Variants in NRXN3 observed in about 807,000 individuals in gnomAD.
NRXN3 encodes the protein neurexin 3.
NRXN3 carries 32 observed loss-of-function variants against 137.6 expected under a neutral mutation model. The observed-to-expected ratio is 0.23, with a 90% CI of 0.18 to 0.31. NRXN3 has a LOEUF of 0.31. Among genes scored for constraint, NRXN3 ranks in the 10% least tolerant of loss-of-function variants. The probability of loss-of-function intolerance (pLI) is 1.00; values close to 1 mark genes in which losing one functional copy is unlikely to be tolerated. For missense variants in NRXN3, 1,574 were observed against 2,062.5 expected, an observed-to-expected ratio of 0.76 and a Z score of 4.59; for synonymous variants, 798 against 784.5, an observed-to-expected ratio of 1.02 and a Z score of -0.29.
intron 16 of NRXN3, among the ~76,000 whole-genome samples, chr14:79,559,281 T>C (rs2153772889): frequency 6.6e-6 from 1 of 152,278 alleles, no homozygotes; most frequent in East Asian, 1.9e-4. Context: ...TATGTCTTCC[T>C]CACCAAGCTT....
chr14:79,797,733 G>T (rs745972167), intron 19 of NRXN3, among the ~76,000 whole-genome samples: 1 of 152,134 alleles, frequency 6.6e-6, no homozygotes, highest in Non-Finnish European at 1.5e-5. Context: ...GGATGGGGGA[G>T]AGAGGGAGAT....
chr14:79,059,263 T>G (rs895264387), intron 15 of NRXN3, among the ~76,000 whole-genome samples: 1 of 139,498 alleles, frequency 7.2e-6, no homozygotes, highest in Non-Finnish European at 1.6e-5. Flanking sequence ...TTTTTTTTTT[T>G]TTTTTTTTTT....
chr14:79,389,036 A>G (rs987323104), intron 15 of NRXN3, among the ~76,000 whole-genome samples: 2 of 152,020 alleles, frequency 1.3e-5, no homozygotes, highest in Non-Finnish European at 2.9e-5. Flanking sequence ...AGTCAATTAA[A>G]CCTCTTTTTC....
At position 79,735,114 on chromosome 14, in the gene NRXN3, A is replaced by C. The variant is rs547566113; in HGVS notation, c.4014+37177A>C. Among the ~76,000 whole-genome samples, 11 of 152,334 alleles carry C rather than the reference A, an allele frequency of 7.2e-5. No homozygotes were observed. The South Asian group carries it at 8.3e-4, about 11-fold the overall frequency. ...TTTAACACCCTATTTCTAATACAGC[A>C]GCTTCTCACTATAGAATGTTAGGTT... On this transcript the variant is annotated intron_variant, in intron 19 of 20. Coordinates refer to ENST00000335750, the MANE Select transcript of NRXN3 (RefSeq NM_001330195.2).
chr14:79,599,570 A>G (rs538615239), intron 16 of NRXN3, among the ~76,000 whole-genome samples: 52 of 152,338 alleles, frequency 3.4e-4, no homozygotes, highest in African/African-American at 1.2e-3. Context: ...CCCAGTCTCA[A>G]TTTACCTGAT....
intron 4 of NRXN3, among the ~76,000 whole-genome samples, chr14:78,558,213 A>T (rs188297307): frequency 5.8e-4 from 89 of 152,316 alleles, no homozygotes; most frequent in Admixed American, 2.0e-3. Context: ...AAATTATCAG[A>T]AAACAAGAGA....
intron 1 of NRXN3, among the ~76,000 whole-genome samples, chr14:78,188,853 A>T (rs563117796): frequency 6.6e-6 from 1 of 152,260 alleles, no homozygotes; most frequent in African/African-American, 2.4e-5. Flanking sequence ...TCAGTAAATT[A>T]TCTACTTTAG....
chr14:78,548,353 A>T (rs2096655624), intron 4 of NRXN3, among the ~76,000 whole-genome samples: 1 of 152,134 alleles, frequency 6.6e-6, no homozygotes, highest in Admixed American at 6.5e-5. Flanking sequence ...GGTGGCTTTG[A>T]GCTATAGGTT....
intron 19 of NRXN3, among the ~76,000 whole-genome samples, chr14:79,733,679 T>G (rs72696802): frequency 8.2e-5 from 6 of 73,172 alleles, no homozygotes; most frequent in Admixed American, 5.4e-4. Flanking sequence ...TTGTTGTTTT[T>G]TTTTTTTTTA....
intron 15 of NRXN3, among the ~76,000 whole-genome samples, chr14:79,339,522 A>G (rs1272207192): frequency 6.6e-6 from 1 of 152,248 alleles, no homozygotes; most frequent in Non-Finnish European, 1.5e-5. Flanking sequence ...GTGTCTTACT[A>G]TTCAAAGTAT....
At chr14:79,592,603 A>G (rs560186282) in intron 16 of NRXN3, among the ~76,000 whole-genome samples, 30 of 152,284 alleles carry the variant, frequency 2.0e-4, no homozygotes, top group African/African-American at 7.0e-4. Flanking sequence ...GTTAAGATCA[A>G]TTAACCAATT....
At chr14:79,104,047 T>C (rs2051891981) in intron 15 of NRXN3, among the ~76,000 whole-genome samples, 1 of 152,178 alleles carries the variant, frequency 6.6e-6, no homozygotes, top group Admixed American at 6.6e-5. Context: ...GATGTGCACA[T>C]TTCATCCAGT....
chr14:79,760,832 T>C (rs1430651521), intron 19 of NRXN3: 7 of 151,584 alleles, frequency 4.6e-5, no homozygotes, highest in African/African-American at 1.7e-4. Context: ...AAGATTTCTG[T>C]GGGTATGCCT....
intron 16 of NRXN3, among the ~76,000 whole-genome samples, chr14:79,596,556 G>T (rs1389792583): frequency 1.3e-5 from 2 of 150,422 alleles, no homozygotes; most frequent in Admixed American, 6.6e-5. Flanking sequence ...CCTGAGAGGG[G>T]CTTCTGGCCA....
chr14:79,834,948 C>G (rs931836648), intron 20 of NRXN3, among the ~76,000 whole-genome samples: 1 of 152,082 alleles, frequency 6.6e-6, no homozygotes, highest in Admixed American at 6.6e-5. Context: ...ATTCCCGACC[C>G]GCCACCCCAA....
At chr14:79,265,231 CTTT>C (rs936690790) in intron 15 of NRXN3, among the ~76,000 whole-genome samples, 2 of 91,882 alleles carry the variant, frequency 2.2e-5, no homozygotes, top group South Asian at 3.8e-4. Context: ...GGGGGTTGCT[CTTT>C]TTTTTTTTTT....
chr14:79,397,876 A>T (rs564521603), intron 15 of NRXN3, among the ~76,000 whole-genome samples: 1 of 152,306 alleles, frequency 6.6e-6, no homozygotes, highest in South Asian at 2.1e-4. Context: ...TTAAATTGTG[A>T]ATTTACATGG....
chr14:79,626,046 A>G (rs2098278456), intron 16 of NRXN3, among the ~76,000 whole-genome samples: 1 of 152,218 alleles, frequency 6.6e-6, no homozygotes, highest in Non-Finnish European at 1.5e-5. Flanking sequence ...AATTACTTAT[A>G]AGTTTACATG....
At chr14:79,404,498 G>C (rs1226938053) in intron 15 of NRXN3, among the ~76,000 whole-genome samples, 1 of 152,096 alleles carries the variant, frequency 6.6e-6, no homozygotes, top group Non-Finnish European at 1.5e-5. Flanking sequence ...GAAGAATAGG[G>C]GGTGGTTAAT....
Sources: allele counts gnomAD v4.1 joint callset (sites outside exome capture counted in the v4.1 genomes callset), GRCh38; gene constraint gnomAD v4.1.1; transcripts MANE v1.5; gene names NCBI Gene and HGNC (gene_info 2026-07-23, HGNC 2026-07-21).